Variants in PTPN18 observed in about 807,000 individuals in gnomAD.
The protein encoded by PTPN18 is tyrosine-protein phosphatase non-receptor type 18.
In PTPN18, 65 loss-of-function variants were observed where a neutral mutation model predicts 65.4. The ratio of observed to expected loss-of-function variants is 0.99; its 90% confidence interval spans 0.81 to 1.22. The LOEUF is 1.22. Ranked by LOEUF, PTPN18 falls within the 50% of genes most tolerant of loss-of-function variation. The probability of loss-of-function intolerance (pLI) is 0.00; values close to 1 mark genes in which losing one functional copy is unlikely to be tolerated. For missense variants in PTPN18, 616 were observed against 646.5 expected (o/e 0.95, Z 0.51); for synonymous variants, 255 against 267.8 (o/e 0.95, Z 0.47).
chr2:130,373,203 T>A lies in PTPN18; in HGVS notation c.1362T>A (p.Pro454=). The change falls in exon 15 of 15, where the codon CCT becomes CCA. Residue 454 remains proline (P), a synonymous_variant. Coordinates refer to ENST00000175756, the MANE Select transcript of PTPN18 (RefSeq NM_014369.4). This position sits in a 1 kb window ranked among gnomAD's most constrained non-coding sequence, Gnocchi z 4.1. ...IGRPKGPRDP[P]AEWTRV is the part of the protein sequence containing the mutation. ...GGCCGAAGGGTCCCCGGGACCCGCC[T>A]GCTGAGTGGACCCGGGTGTAAGTCT... 2 of 1,602,514 alleles carry A rather than the reference T, an allele frequency of 1.2e-6. No individual in the cohort carries two copies. Among genetic ancestry groups the A allele is most frequent in the Non-Finnish European group, 1.7e-6 (2 of 1,175,048 alleles).
At chr2:130,368,733 G>C (rs1680461471) in intron 5 of PTPN18, among the ~76,000 whole-genome samples, 1 of 152,144 alleles carries the variant, frequency 6.6e-6, no homozygotes, top group African/African-American at 2.4e-5. Context: ...TTGAGCCATG[G>C]TCTCTGGCTC....
At chr2:130,372,090 G>A (rs1210565100) in intron 12 of PTPN18, 167 bp from the exon 13 acceptor site, 1 of 592,916 alleles carries the variant, frequency 1.7e-6, no homozygotes, top group African/African-American at 2.0e-5. Context: ...AACTTGCAGG[G>A]CGCTAGGGAC....
Position 130,367,970 on chromosome 2 carries a change from T to C in PTPN18, c.415-1163T>C, listed in dbSNP as rs565652133. ...TTTTTTCATTTCATTTTGAATTATT[T>C]ATATTGCTATGTTTTCATGTCTATT... On this transcript the variant is annotated intron_variant, in intron 5 of 14. Coordinates refer to ENST00000175756, the MANE Select transcript of PTPN18 (RefSeq NM_014369.4). Among the ~76,000 whole-genome samples the C allele has an allele frequency of 1.4e-4, 21 of 152,318 alleles. No homozygotes were observed. The South Asian group carries it at 4.3e-3, about 32-fold the overall frequency.
At chr2:130,362,983 C>A (rs894466252) in intron 5 of PTPN18, among the ~76,000 whole-genome samples, 4 of 151,916 alleles carry the variant, frequency 2.6e-5, no homozygotes, top group Admixed American at 1.3e-4. Flanking sequence ...CCACGCCCGG[C>A]TAATTTTTTG....
chr2:130,368,522 G>A (rs1231659655), intron 5 of PTPN18, among the ~76,000 whole-genome samples: 1 of 152,178 alleles, frequency 6.6e-6, no homozygotes, highest in Non-Finnish European at 1.5e-5. Flanking sequence ...TCAAGGAAAT[G>A]TTCATCCTAC....
chr2:130,370,684 T>C, intron 9 of PTPN18, 21 bp from the exon 10 acceptor site: 2 of 1,614,142 alleles, frequency 1.2e-6, no homozygotes, highest in Non-Finnish European at 1.7e-6. Flanking sequence ...CCTGCTCAAG[T>C]GCCTTGTCTG....
chr2:130,362,143 T>G (rs181915233), intron 5 of PTPN18: 4 of 470,782 alleles, frequency 8.5e-6, no homozygotes, highest in African/African-American at 8.0e-5. Flanking sequence ...TAATTGTTTT[T>G]TATTTCTTGT....
rs759479761 is a variant in PTPN18 at position 130,369,813 on chromosome 2, G to A, written c.532G>A (p.Val178Ile). ...GGACATCATGCTCAGGACCCTCAAGGTCACATTCCAGAAGGTACTGTGACA... is the reference window on the plus strand; with the variant it reads ...GGACATCATGCTCAGGACCCTCAAGATCACATTCCAGAAGGTACTGTGACA... ...NEDIMLRTLK[V>I]TFQKESRSVY... The change falls in exon 7 of 15, where the codon GTC becomes ATC. Residue 178 changes from valine to isoleucine, a missense_variant. By Grantham distance (29) the Val-to-Ile change is conservative. Around this residue, in one of 3 missense-constraint regions of PTPN18, gnomAD observed 25 missense variants for 49.8 expected, o/e 0.50. Coordinates refer to ENST00000175756, the MANE Select transcript of PTPN18 (RefSeq NM_014369.4). 9 of 1,601,304 alleles carry A rather than the reference G, an allele frequency of 5.6e-6. No individual in the cohort carries two copies. The highest frequency in any genetic ancestry group is 7.7e-6 in the Non-Finnish European group (9 of 1,168,662).
intron 5 of PTPN18, among the ~76,000 whole-genome samples, chr2:130,363,464 A>G (rs1028389822): frequency 1.3e-5 from 2 of 152,048 alleles, no homozygotes; most frequent in Admixed American, 6.5e-5. Context: ...AGAAAAAGAA[A>G]AGAAATCCTA....
At chr2:130,357,813 G>A (rs1249309130) in intron 1 of PTPN18, among the ~76,000 whole-genome samples, 2 of 144,250 alleles carry the variant, frequency 1.4e-5, no homozygotes, top group Admixed American at 7.1e-5. Flanking sequence ...CCGAGATCGC[G>A]CCACTGCAGT....
At position 130,362,059 on chromosome 2, in the gene PTPN18, C is replaced by T. The variant is rs568726526; in HGVS notation, c.414+2413C>T. The T allele has an allele frequency of 6.1e-4, 279 of 455,232 alleles. 6 individuals carry two copies. The highest frequency in any genetic ancestry group is 4.3e-3 in the South Asian group (272 of 63,296). The allele number at this position is 455,232 out of a possible 1,614,324, so 28.2% of individuals were successfully genotyped here. ...CATAGTTCACTGTAACCTCAAAATC[C>T]TGGGCTCAAATGATCATGCTAGCGC... On this transcript the variant is annotated intron_variant, in intron 5 of 14. Transcript: ENST00000175756.
At chr2:130,369,678 G>A (rs1227500693) in intron 6 of PTPN18, 87 bp from the exon 7 acceptor site, 3 of 1,332,132 alleles carry the variant, frequency 2.3e-6, no homozygotes, top group Non-Finnish European at 2.1e-6. Context: ...TTTTAATCAG[G>A]AATGCTTTGC....
At chr2:130,364,640 C>G (rs1680325597) in intron 5 of PTPN18, among the ~76,000 whole-genome samples, 1 of 152,092 alleles carries the variant, frequency 6.6e-6, no homozygotes, top group Admixed American at 6.5e-5. Flanking sequence ...ACTAAAAATA[C>G]AAAAAATTAG....
At chr2:130,360,129 A>T (rs1238640369) in intron 5 of PTPN18, among the ~76,000 whole-genome samples, 1 of 152,074 alleles carries the variant, frequency 6.6e-6, no homozygotes, top group East Asian at 1.9e-4. Context: ...GGGTCTTCAC[A>T]CCATTTTAAA....
In PTPN18 at chr2:130,373,514, T is replaced by A; in HGVS notation, c.*290T>A. ...TGAAGGGGAGAAGGGACAGATGAGCTTCCGGAGACTGCTCTCCTCACCACA... is the reference window on the plus strand; with the variant it reads ...TGAAGGGGAGAAGGGACAGATGAGCATCCGGAGACTGCTCTCCTCACCACA... On this transcript the variant is annotated 3_prime_UTR_variant, in exon 15 of 15. Transcript: ENST00000175756. The surrounding 1 kb of genome is among the most constrained non-coding windows in gnomAD (Gnocchi z 4.1). 3.5e-6 allele frequency: 1 copy of A among 285,818 alleles called. No homozygotes were observed. Among genetic ancestry groups the A allele is most frequent in the Non-Finnish European group, 6.5e-6 (1 of 152,688 alleles). The allele number at this position is 285,818 out of a possible 1,614,324, so 17.7% of individuals were successfully genotyped here.
chr2:130,362,195 C>T (rs1313951437), intron 5 of PTPN18: 1 of 468,296 alleles, frequency 2.1e-6, no homozygotes, highest in South Asian at 1.6e-5. Flanking sequence ...GTCTCGAACT[C>T]CTGGCCTCAA....
At chr2:130,371,643 T>C (rs561794763) in intron 12 of PTPN18, among the ~76,000 whole-genome samples, 2 of 152,214 alleles carry the variant, frequency 1.3e-5, no homozygotes, top group East Asian at 3.9e-4. Context: ...GGTGAAACCC[T>C]GTCTCTACTA....
At chr2:130,356,223 G>T in intron 1 of PTPN18, 23 bp downstream of exon 1, 3 of 1,309,444 alleles carry the variant, frequency 2.3e-6, no homozygotes, top group South Asian at 4.2e-5. Context: ...CGGGGTCCGC[G>T]AGCGGCGCGC....
At chr2:130,371,023 C>A (rs1428062360) in intron 11 of PTPN18, 59 bp downstream of exon 11, 7 of 1,561,536 alleles carry the variant, frequency 4.5e-6, no homozygotes, top group Non-Finnish European at 6.1e-6. Context: ...AGACCAGGAC[C>A]CCGAGCAGGG....
Sources: allele counts gnomAD v4.1 joint callset (sites outside exome capture counted in the v4.1 genomes callset), GRCh38; gene constraint gnomAD v4.1.1; regional missense constraint gnomAD v4.1.1; non-coding constraint Gnocchi (gnomAD v3.1); transcripts MANE v1.5; gene names NCBI Gene and HGNC (gene_info 2026-07-23, HGNC 2026-07-21).